ZNF704: variants seen among roughly 807,000 people sequenced by gnomAD.
ZNF704 encodes the protein zinc finger protein 704, also known as glucocorticoid induced gene 1.
A neutral mutation model predicts 44.7 loss-of-function variants in ZNF704; 10 were observed. The observed-to-expected ratio is 0.22, with a 90% CI of 0.14 to 0.38. The LOEUF (loss-of-function observed/expected upper bound fraction) is 0.38, where lower values mean the gene tolerates loss of function less well. Ranked by LOEUF, ZNF704 falls within the 10% of genes least tolerant of loss-of-function variation. ZNF704 has a pLI of 1.00. For synonymous variants in ZNF704, 211 were observed against 207.6 expected (o/e 1.02, Z -0.14); for missense variants, 390 against 545.5 (o/e 0.71, Z 2.84).
rs1818378284 is a variant in ZNF704, at chr8:80,676,964, G to A, written c.559-6361C>T. Among the ~76,000 whole-genome samples, 4 of 152,200 alleles carry A rather than the reference G, an allele frequency of 2.6e-5. 1 individual carries two copies. Among genetic ancestry groups the A allele is most frequent in the South Asian group, 4.1e-4 (2 of 4,830 alleles). On this transcript the variant is annotated intron_variant, in intron 4 of 8. Coordinates refer to ENST00000327835, the MANE Select transcript of ZNF704 (RefSeq NM_001033723.3). ...CTGTGTGCGGACTGATAACCAGCCC[G>A]AGGCCCGGGAGTTGGGGACCCCCGC...
intron 7 of ZNF704, among the ~76,000 whole-genome samples, chr8:80,657,625 G>A (rs1206780090): frequency 6.6e-6 from 1 of 151,530 alleles, no homozygotes; most frequent in East Asian, 1.9e-4. Context: ...GGGAGGTTGA[G>A]GCTGCAGTGA....
At chr8:80,738,969 G>A (rs900129645) in intron 2 of ZNF704, among the ~76,000 whole-genome samples, 1 of 152,132 alleles carries the variant, frequency 6.6e-6, no homozygotes, top group African/African-American at 2.4e-5. Flanking sequence ...GATAGAACCT[G>A]CAGGCTAGAA....
intron 2 of ZNF704, among the ~76,000 whole-genome samples, chr8:80,778,796 G>A (rs1466184652): frequency 6.6e-6 from 1 of 152,122 alleles, no homozygotes; most frequent in Non-Finnish European, 1.5e-5. Flanking sequence ...ACAAGTGGGA[G>A]CTAAACAATG....
At chr8:80,879,003 G>A (rs1586094814), upstream of ZNF704, among the ~76,000 whole-genome samples, 1 of 152,280 alleles carries the variant, frequency 6.6e-6, no homozygotes, top group East Asian at 1.9e-4. Flanking sequence ...CCAGAGATTT[G>A]AGTTGAATCA....
chr8:80,672,278 C>A (rs912463534), intron 4 of ZNF704, among the ~76,000 whole-genome samples: 3 of 152,064 alleles, frequency 2.0e-5, no homozygotes, highest in Non-Finnish European at 4.4e-5. Context: ...TACATGCTGG[C>A]GAGGCTGCAG....
Position 80,840,310 on chromosome 8 carries a change from C to CGT in ZNF704, c.-21-18697_-21-18696dup, listed in dbSNP as rs148744401. Among the ~76,000 whole-genome samples the CGT allele has an allele frequency of 2.5e-3, 378 of 151,350 alleles. 1 individual carries two copies. Among genetic ancestry groups the CGT allele is most frequent in the African/African-American group, 8.5e-3 (352 of 41,292 alleles). ...CTTTCTTAAAACATGAAATTGTGTG[C>CGT]GTGTGTGTGTGTGTGCGCGTGTGTT... is the stretch of plus-strand genomic sequence containing the variant. On this transcript the variant is annotated intron_variant, in intron 1 of 8. Coordinates refer to ENST00000327835, the MANE Select transcript of ZNF704 (RefSeq NM_001033723.3).
At chr8:80,801,734 CCTAAAAGAACTAAGTCGCAA>C (rs1273640066) in intron 2 of ZNF704, among the ~76,000 whole-genome samples, 2 of 151,858 alleles carry the variant, frequency 1.3e-5, no homozygotes, top group Non-Finnish European at 2.9e-5. Flanking sequence ...AAATTAATAA[CCTAAAAGAACTAAGTCGCAA>C]CTAAAAGAAC....
chr8:80,730,451 A>G (rs924747610), intron 2 of ZNF704, among the ~76,000 whole-genome samples: 2 of 150,424 alleles, frequency 1.3e-5, no homozygotes, highest in Non-Finnish European at 3.0e-5. Flanking sequence ...AGGCAGGAGA[A>G]TCACTTGAAC....
chr8:80,755,800 G>A (rs1297808390), intron 2 of ZNF704, among the ~76,000 whole-genome samples: 1 of 152,088 alleles, frequency 6.6e-6, no homozygotes, highest in Non-Finnish European at 1.5e-5. Context: ...ACAGCAGTTC[G>A]TGTTGTAGCC....
chr8:80,757,008 T>A (rs552544055), intron 2 of ZNF704, among the ~76,000 whole-genome samples: 6 of 152,354 alleles, frequency 3.9e-5, no homozygotes, highest in Non-Finnish European at 7.3e-5. Flanking sequence ...GGTGGTCTTG[T>A]AAGATTATAA....
chr8:80,864,660 C>T (rs1422794829), intron 1 of ZNF704, among the ~76,000 whole-genome samples: 5 of 152,196 alleles, frequency 3.3e-5, no homozygotes, highest in Admixed American at 6.5e-5. Context: ...CTTTGGGCCA[C>T]CCATTTCCAT....
chr8:80,655,105 G>A (rs1446425607), intron 7 of ZNF704, among the ~76,000 whole-genome samples: 4 of 151,644 alleles, frequency 2.6e-5, no homozygotes, highest in African/African-American at 4.9e-5. Context: ...AAAACCAAAC[G>A]CTGCATGTTC....
chr8:80,717,806 C>T (rs1819095290), intron 2 of ZNF704, among the ~76,000 whole-genome samples: 1 of 152,166 alleles, frequency 6.6e-6, no homozygotes, highest in African/African-American at 2.4e-5. Context: ...CCTTTATAAA[C>T]TAAATCTTTG....
At chr8:80,878,100 G>A (rs923666516), upstream of ZNF704, among the ~76,000 whole-genome samples, 1 of 152,158 alleles carries the variant, frequency 6.6e-6, no homozygotes, top group Non-Finnish European at 1.5e-5. Flanking sequence ...AACGAGAGTA[G>A]GCTTTGGAGT....
chr8:80,715,932 T>C (rs1351233724), intron 2 of ZNF704, among the ~76,000 whole-genome samples: 4 of 151,576 alleles, frequency 2.6e-5, no homozygotes, highest in African/African-American at 9.7e-5. Flanking sequence ...ATACAAAAAT[T>C]AGTTGGGCAT....
At chr8:80,817,677 T>A (rs973793188) in intron 2 of ZNF704, among the ~76,000 whole-genome samples, 8 of 152,228 alleles carry the variant, frequency 5.3e-5, no homozygotes, top group African/African-American at 1.7e-4. Flanking sequence ...AAATTGGTTC[T>A]CAAATATTGG....
chr8:80,873,040 C>G (rs916733236), intron 1 of ZNF704, among the ~76,000 whole-genome samples: 60 of 152,244 alleles, frequency 3.9e-4, no homozygotes, highest in African/African-American at 1.3e-3. Context: ...GGAAACTCAT[C>G]GACAATTGTT....
intron 3 of ZNF704, 85 bp downstream of exon 3, chr8:80,692,919 G>A (rs1339891745): frequency 1.2e-4 from 153 of 1,233,130 alleles, no homozygotes; most frequent in South Asian, 1.1e-3. Flanking sequence ...GGTTCATAGC[G>A]CTTGACAGGA....
intron 7 of ZNF704, among the ~76,000 whole-genome samples, chr8:80,655,734 G>A (rs780193812): frequency 1.3e-5 from 2 of 152,068 alleles, no homozygotes; most frequent in Non-Finnish European, 2.9e-5. Flanking sequence ...TTCTTTTCTT[G>A]TAAGTTTTTC....
Sources: gnomAD v4.1 joint callset for allele counts (sites outside exome capture counted in the v4.1 genomes callset) on GRCh38, gnomAD v4.1.1 for gene constraint, MANE v1.5 for transcripts, NCBI Gene and HGNC (gene_info 2026-07-23, HGNC 2026-07-21) for gene names.